The following VRK1 variants were observed in gnomAD, a reference collection of about 807,000 sequenced individuals.
The protein encoded by VRK1 is VRK serine/threonine kinase 1.
A neutral mutation model predicts 57.1 loss-of-function variants in VRK1; 33 were observed. The observed-to-expected ratio is 0.58, with a 90% CI of 0.44 to 0.77. VRK1 has a LOEUF of 0.77. VRK1 is among the 30% of genes least tolerant of loss of function. The probability of loss-of-function intolerance (pLI) is 0.00; values close to 1 mark genes in which losing one functional copy is unlikely to be tolerated. For synonymous variants in VRK1, 137 were observed against 147.8 expected, an observed-to-expected ratio of 0.93 and a Z score of 0.53; for missense variants, 413 against 477.3, an observed-to-expected ratio of 0.87 and a Z score of 1.25.
chr14:96,805,984 CT>C (rs368273142), intron 1 of VRK1, among the ~76,000 whole-genome samples: 1,951 of 126,342 alleles, frequency 0.015, 15 homozygotes, highest in Non-Finnish European at 0.021. Flanking sequence ...GAGAATTTTT[CT>C]TTTTTTTTTT....
chr14:96,797,886 G>C (rs1480971218), intron 1 of VRK1, among the ~76,000 whole-genome samples: 1 of 152,248 alleles, frequency 6.6e-6, no homozygotes, highest in African/African-American at 2.4e-5. Flanking sequence ...ACGCAGCTGC[G>C]ATGTTTTGCG....
At chr14:96,819,821 CTT>C (rs1195846466) in intron 1 of VRK1, among the ~76,000 whole-genome samples, 14 of 152,136 alleles carry the variant, frequency 9.2e-5, no homozygotes, top group Non-Finnish European at 2.9e-5. Context: ...TGAGACAAAA[CTT>C]TGTAGCCCAA....
intron 5 of VRK1, among the ~76,000 whole-genome samples, chr14:96,851,937 AGAT>A (rs1566707344): frequency 6.6e-6 from 1 of 152,200 alleles, no homozygotes; most frequent in Non-Finnish European, 1.5e-5. Flanking sequence ...TCCTCATTGG[AGAT>A]GTCCTGATAC....
In VRK1 at chr14:96,807,978, TCTCTCTCC is replaced by T. The variant is rs200176789; in HGVS notation, c.-6+10555_-6+10562del. Among the ~76,000 whole-genome samples the T allele has an allele frequency of 2.2e-3, 171 of 77,938 alleles. 3 individuals carry two copies. The highest frequency in any genetic ancestry group is 9.5e-3 in the East Asian group (42 of 4,426). The allele number at this position is 77,938 out of a possible 152,430, so 51.1% of individuals were successfully genotyped here. ...CTGTCTCTCCCTCCCTCTCTCTCTGTCTCTCTCCCTCTCTCCCTCTCTCCCTCTCTCTC... is the reference window on the plus strand; with the variant it reads ...CTGTCTCTCCCTCCCTCTCTCTCTGTCTCTCTCCCTCTCTCCCTCTCTCTC... On this transcript the variant is annotated intron_variant, in intron 1 of 12. Coordinates refer to ENST00000216639, the MANE Select transcript of VRK1 (RefSeq NM_003384.3).
At chr14:96,826,295 A>G (rs534083968) in intron 1 of VRK1, among the ~76,000 whole-genome samples, 9 of 152,280 alleles carry the variant, frequency 5.9e-5, no homozygotes, top group Non-Finnish European at 1.2e-4. Flanking sequence ...CTGAAATTCT[A>G]TTTGAATATG....
intron 11 of VRK1, among the ~76,000 whole-genome samples, chr14:96,871,469 T>TA (rs1888819412): frequency 6.6e-6 from 1 of 152,226 alleles, no homozygotes; most frequent in Non-Finnish European, 1.5e-5. Context: ...ACTGGACACT[T>TA]ATGTAAGAAC....
At chr14:96,879,575 C>T (rs1889170835) in intron 12 of VRK1, among the ~76,000 whole-genome samples, 1 of 151,860 alleles carries the variant, frequency 6.6e-6, no homozygotes, top group Non-Finnish European at 1.5e-5. Context: ...TTTGTAATAC[C>T]CTTTATGCCA....
intron 1 of VRK1, among the ~76,000 whole-genome samples, chr14:96,827,324 G>GC (rs1886837044): frequency 6.6e-6 from 1 of 152,156 alleles, no homozygotes; most frequent in African/African-American, 2.4e-5. Flanking sequence ...TCAGTAGAAG[G>GC]TGAGGAAGGG....
chr14:96,854,592 A>G (rs183189890), intron 7 of VRK1, among the ~76,000 whole-genome samples: 11 of 152,330 alleles, frequency 7.2e-5, no homozygotes. Flanking sequence ...ATAAGTATGT[A>G]TATAATATTA....
At position 96,855,511 on chromosome 14, in the gene VRK1, A is replaced by G. The variant is rs1044593767; in HGVS notation, c.709+155A>G. On this transcript the variant is annotated intron_variant, in intron 8 of 12. Transcript: ENST00000216639. ...AGAAGGCAGAGGTGAGACTCCTACAATTGTATTCCAGGACCATCTGTGTTC... is the reference window on the plus strand; with the variant it reads ...AGAAGGCAGAGGTGAGACTCCTACAGTTGTATTCCAGGACCATCTGTGTTC... 1.4e-4 allele frequency among the ~76,000 whole-genome samples: 22 copies of G among 152,170 alleles called. 1 individual carries two copies. Among genetic ancestry groups the G allele is most frequent in the Admixed American group, 1.4e-3 (22 of 15,278 alleles).
intron 1 of VRK1, among the ~76,000 whole-genome samples, chr14:96,816,802 C>T (rs1178115664): frequency 6.6e-6 from 1 of 152,092 alleles, no homozygotes; most frequent in Non-Finnish European, 1.5e-5. Context: ...CAGTGGCACT[C>T]AAAGAGACTC....
At chr14:96,828,716 C>T (rs1381708508) in intron 1 of VRK1, among the ~76,000 whole-genome samples, 1 of 151,916 alleles carries the variant, frequency 6.6e-6, no homozygotes, top group African/African-American at 2.4e-5. Context: ...TGTTAAATAG[C>T]TCTATATGAG....
At chr14:96,835,268 A>C (rs1313124856) in intron 2 of VRK1, among the ~76,000 whole-genome samples, 1 of 152,048 alleles carries the variant, frequency 6.6e-6, no homozygotes, top group Non-Finnish European at 1.5e-5. Flanking sequence ...TTTTCTTTGC[A>C]TTTTCTTTTC....
chr14:96,846,204 G>C lies in VRK1; in HGVS notation c.286+40G>C, dbSNP rs755393700. 2.5e-6 allele frequency: 4 copies of C among 1,598,272 alleles called. No homozygotes were observed. In the East Asian group the frequency reaches 9.0e-5, roughly 36 times the overall value. ...ACACATACGTTTACACTTTTAAAAT[G>C]ACCAGTTTTTTGTTTTAAGCCAAGA... On this transcript the variant is annotated intron_variant, in intron 4 of 12. Coordinates refer to ENST00000216639, the MANE Select transcript of VRK1 (RefSeq NM_003384.3).
intron 1 of VRK1, among the ~76,000 whole-genome samples, chr14:96,825,230 A>G (rs899388009): frequency 1.4e-4 from 21 of 152,092 alleles, no homozygotes; most frequent in Non-Finnish European, 4.4e-5. Context: ...AAAGATAGGG[A>G]ATTCCCATCT....
At chr14:96,832,449 A>G (rs958088249) in intron 1 of VRK1, among the ~76,000 whole-genome samples, 18 of 152,290 alleles carry the variant, frequency 1.2e-4, no homozygotes, top group Admixed American at 1.1e-3. Flanking sequence ...GTTTGAAATC[A>G]CACAACAAAC....
At chr14:96,873,630 G>A (rs935761247) in intron 11 of VRK1, among the ~76,000 whole-genome samples, 1 of 152,074 alleles carries the variant, frequency 6.6e-6, no homozygotes, top group Non-Finnish European at 1.5e-5. Context: ...TGTTCAAAAG[G>A]AACCAAAATA....
intron 1 of VRK1, among the ~76,000 whole-genome samples, chr14:96,815,782 C>T (rs1886369219): frequency 6.6e-6 from 1 of 151,676 alleles, no homozygotes; most frequent in African/African-American, 2.4e-5. Flanking sequence ...TCTGTAGTCC[C>T]AGCTGCTTGG....
intron 12 of VRK1, chr14:96,877,357 A>T: frequency 2.3e-6 from 1 of 439,294 alleles, no homozygotes; most frequent in Non-Finnish European, 4.1e-6. Context: ...CCCAAAGAAT[A>T]CTTGAGATAC....
Sources: allele counts gnomAD v4.1 joint callset (sites outside exome capture counted in the v4.1 genomes callset), GRCh38; gene constraint gnomAD v4.1.1; transcripts MANE v1.5; gene names NCBI Gene and HGNC (gene_info 2026-07-23, HGNC 2026-07-21).